Variants in GPC5 observed in about 807,000 individuals in gnomAD.
The protein encoded by GPC5 is glypican-5.
Under a neutral mutation model 53.9 loss-of-function variants are expected in GPC5, and 47 were observed. The ratio of observed to expected loss-of-function variants is 0.87; its 90% CI spans 0.69 to 1.11. GPC5 has a LOEUF of 1.11. Among genes scored for constraint, GPC5 ranks in the 50% most tolerant of loss-of-function variants. GPC5 has a pLI of 0.00. For missense variants in GPC5, 748 were observed against 713.1 expected (o/e 1.05, Z -0.56); for synonymous variants, 286 against 263.3 (o/e 1.09, Z -0.84).
At chr13:91,896,913 G>A (rs966857410) in intron 5 of GPC5, among the ~76,000 whole-genome samples, 2 of 152,052 alleles carry the variant, frequency 1.3e-5, no homozygotes, top group Non-Finnish European at 2.9e-5. Flanking sequence ...TGTTACATAC[G>A]TAGATTGTTG....
chr13:91,660,337 T>G (rs2034957935), intron 2 of GPC5, among the ~76,000 whole-genome samples: 1 of 152,148 alleles, frequency 6.6e-6, no homozygotes, highest in African/African-American at 2.4e-5. Flanking sequence ...ATTGTCTAAA[T>G]ATTGAGTCTC....
intron 2 of GPC5, among the ~76,000 whole-genome samples, chr13:91,587,209 G>A (rs1011566981): frequency 2.0e-5 from 3 of 152,176 alleles, no homozygotes; most frequent in African/African-American, 7.2e-5. Context: ...GCTATTTATA[G>A]TGTTATTTTA....
intron 2 of GPC5, among the ~76,000 whole-genome samples, chr13:91,680,462 A>G (rs1043630776): frequency 2.0e-5 from 3 of 152,276 alleles, no homozygotes; most frequent in African/African-American, 4.8e-5. Flanking sequence ...ACAAACAAAC[A>G]AACAAAAAAG....
chr13:92,702,376 T>A (rs932341124), intron 7 of GPC5, among the ~76,000 whole-genome samples: 13 of 152,106 alleles, frequency 8.5e-5, no homozygotes, highest in African/African-American at 3.1e-4. Context: ...CATCTTAAAT[T>A]TCCAAAGTGA....
At chr13:92,068,690 A>G (rs1169128681) in intron 6 of GPC5, among the ~76,000 whole-genome samples, 2 of 151,594 alleles carry the variant, frequency 1.3e-5, no homozygotes, top group Non-Finnish European at 3.0e-5. Flanking sequence ...GTATCCATTG[A>G]GATAAGATTT....
At chr13:91,697,602 C>T (rs886775081) in intron 3 of GPC5, among the ~76,000 whole-genome samples, 1 of 151,780 alleles carries the variant, frequency 6.6e-6, no homozygotes, top group Non-Finnish European at 1.5e-5. Flanking sequence ...AAGTCTCTAA[C>T]GTATTTTTAA....
chr13:91,523,280 A>G (rs1885924017), intron 2 of GPC5, among the ~76,000 whole-genome samples: 1 of 152,204 alleles, frequency 6.6e-6, no homozygotes, highest in Non-Finnish European at 1.5e-5. Flanking sequence ...TGTTGAAGAG[A>G]TATTTGCAAT....
At chr13:92,239,324 G>T (rs2042592774) in intron 7 of GPC5, among the ~76,000 whole-genome samples, 1 of 151,652 alleles carries the variant, frequency 6.6e-6, no homozygotes, top group African/African-American at 2.4e-5. Flanking sequence ...ATGAACAAGG[G>T]TTGTTTTTAC....
intron 6 of GPC5, among the ~76,000 whole-genome samples, chr13:91,992,854 G>A (rs1366782148): frequency 1.3e-5 from 2 of 152,118 alleles, no homozygotes; most frequent in Non-Finnish European, 2.9e-5. Context: ...AGTAATATTT[G>A]CAAAACAGAA....
intron 6 of GPC5, among the ~76,000 whole-genome samples, chr13:92,082,488 T>C (rs2041304286): frequency 6.6e-6 from 1 of 152,158 alleles, no homozygotes; most frequent in Admixed American, 6.5e-5. Flanking sequence ...GTATTAAATG[T>C]CCACTTCTGT....
rs930818455 is a variant in GPC5, at chr13:92,050,149, A to G, written c.1402-94681A>G. Among the ~76,000 whole-genome samples the G allele has an allele frequency of 2.6e-5, 4 of 152,204 alleles. No homozygotes were observed. In the East Asian group the frequency reaches 7.7e-4, roughly 29 times the overall value. ...AGTGTACTCATATGTTCATATTTACAATCTTTCTGATTTCTTAGCACATGG... is the reference window on the plus strand; with the variant it reads ...AGTGTACTCATATGTTCATATTTACGATCTTTCTGATTTCTTAGCACATGG... On this transcript the variant is annotated intron_variant, in intron 6 of 7. Coordinates refer to ENST00000377067, the MANE Select transcript of GPC5 (RefSeq NM_004466.6).
At chr13:92,446,384 G>A (rs1116887) in intron 7 of GPC5, 72,890 of 149,572 alleles carry the variant, frequency 0.49, 19,320 homozygotes, top group African/African-American at 0.69. Context: ...TGTACTTAAT[G>A]TAATGACTTC....
intron 6 of GPC5, among the ~76,000 whole-genome samples, chr13:91,951,596 T>C (rs949954009): frequency 2.6e-5 from 4 of 152,138 alleles, no homozygotes; most frequent in African/African-American, 7.2e-5. Flanking sequence ...TTTTAAAGCA[T>C]TTATTACAGA....
chr13:91,892,840 A>C lies in GPC5; in HGVS notation c.1281-15097A>C, dbSNP rs964929664. On this transcript the variant is annotated intron_variant, in intron 5 of 7. Coordinates refer to ENST00000377067, the MANE Select transcript of GPC5 (RefSeq NM_004466.6). ...CTTAATTCAACACAACAAAACTTTA[A>C]GATTTTAAATTAAACAAAAAGTTTA... 2.0e-5 allele frequency among the ~76,000 whole-genome samples: 3 copies of C among 152,068 alleles called. No homozygotes were observed. The East Asian group carries it at 5.8e-4, about 29-fold the overall frequency.
chr13:91,678,305 G>A lies in GPC5; in HGVS notation c.326-14882G>A, dbSNP rs554308460. Among the ~76,000 whole-genome samples, 5 of 152,208 alleles carry A rather than the reference G, an allele frequency of 3.3e-5. No individual in the cohort carries two copies. The East Asian group carries it at 5.8e-4, about 18-fold the overall frequency. On this transcript the variant is annotated intron_variant, in intron 2 of 7. Transcript: ENST00000377067. ...GGAGATTGCAGATTAAATTTAAACC[G>A]TTTTTAAGTCACTTTATATTAGAAC...
chr13:91,629,578 G>T (rs1233712377), intron 2 of GPC5, among the ~76,000 whole-genome samples: 24 of 152,088 alleles, frequency 1.6e-4, no homozygotes, highest in Admixed American at 1.4e-3. Flanking sequence ...AGGAGGCAGA[G>T]GTTGCAGTGA....
chr13:91,581,780 TTCTC>T (rs1194525858), intron 2 of GPC5, among the ~76,000 whole-genome samples: 5 of 152,018 alleles, frequency 3.3e-5, no homozygotes, highest in South Asian at 2.1e-4. Flanking sequence ...ATTTTAAAAT[TTCTC>T]TCTGTCTCAC....
chr13:92,752,208 T>A (rs1032382887), intron 7 of GPC5, among the ~76,000 whole-genome samples: 3 of 152,108 alleles, frequency 2.0e-5, no homozygotes, highest in Non-Finnish European at 4.4e-5. Flanking sequence ...GCAGGAAGTT[T>A]AGCCCTATCC....
At chr13:91,770,318 C>G (rs774789136) in intron 5 of GPC5, among the ~76,000 whole-genome samples, 9 of 152,154 alleles carry the variant, frequency 5.9e-5, no homozygotes, top group African/African-American at 9.7e-5. Context: ...CAGGCTTCAT[C>G]ATGTAGACAT....
Sources: gnomAD v4.1 joint callset for allele counts (sites outside exome capture counted in the v4.1 genomes callset) on GRCh38, gnomAD v4.1.1 for gene constraint, MANE v1.5 for transcripts, NCBI Gene and HGNC (gene_info 2026-07-23, HGNC 2026-07-21) for gene names.